The following EML4 variants were observed in gnomAD, a reference collection of about 807,000 sequenced individuals.
The protein encoded by EML4 is echinoderm microtubule-associated protein-like 4.
EML4 carries 72 observed loss-of-function variants against 129.0 expected under a neutral mutation model. The observed-to-expected ratio is 0.56, with a 90% CI of 0.46 to 0.68. The LOEUF (loss-of-function observed/expected upper bound fraction) is 0.68, where lower values mean the gene tolerates loss of function less well. EML4 is among the 30% of genes least tolerant of loss of function. The pLI is 0.00. For missense variants in EML4, 1,363 were observed against 1,190.6 expected (o/e 1.14, Z -2.13); for synonymous variants, 532 against 405.0 (o/e 1.31, Z -3.77).
intron 20 of EML4, among the ~76,000 whole-genome samples, 155 bp downstream of exon 20, chr2:42,325,709 G>T (rs1669775575): frequency 6.8e-6 from 1 of 147,208 alleles, no homozygotes; most frequent in Non-Finnish European, 1.5e-5. Context: ...GAGAATGCTT[G>T]CCAACCTCTT....
At chr2:42,264,771 C>T (rs1419501647) in intron 6 of EML4, 40 bp downstream of exon 6, 2 of 1,457,552 alleles carry the variant, frequency 1.4e-6, no homozygotes, top group Admixed American at 1.9e-5. Context: ...TTTTGCCCTT[C>T]TTAGTTTAAT....
chr2:42,237,657 A>T (rs1172698030), intron 1 of EML4, among the ~76,000 whole-genome samples: 2 of 152,240 alleles, frequency 1.3e-5, no homozygotes, highest in African/African-American at 2.4e-5. Context: ...TTTACTGGTA[A>T]CAAGTTGATT....
intron 17 of EML4, among the ~76,000 whole-genome samples, chr2:42,313,872 G>A (rs1400708115): frequency 6.6e-6 from 1 of 151,472 alleles, no homozygotes. Flanking sequence ...AGGTTGCAGT[G>A]AGCCGAGATA....
intron 6 of EML4, among the ~76,000 whole-genome samples, chr2:42,271,728 C>G (rs865921535): frequency 6.6e-6 from 1 of 152,080 alleles, no homozygotes; most frequent in Admixed American, 6.5e-5. Context: ...AAAATCTAAA[C>G]TAGAAAATGT....
At chr2:42,242,824 G>A (rs1449369569) in intron 1 of EML4, among the ~76,000 whole-genome samples, 1 of 151,268 alleles carries the variant, frequency 6.6e-6, no homozygotes, top group Non-Finnish European at 1.5e-5. Flanking sequence ...AAGTGCAGTG[G>A]TGTAATTAAA....
rs2103851048 is a variant in EML4, at chr2:42,329,992, G to A, written c.2731G>A (p.Glu911Lys). Residue 911 changes from glutamate (E) to lysine (K), a missense_variant, in exon 23 of 23, where the codon GAA becomes AAA. By Grantham distance (56) the Glu-to-Lys change is moderately conservative. Transcript: ENST00000318522. ...PPSQPLNETA[E>K]EESRISSSPT... Reference sequence around the variant, plus strand: ...TTCTCAGCCCTTAAATGAGACAGCTGAAGAGGAAAGTAGAATAAGCAGTTC... The same window carrying A: ...TTCTCAGCCCTTAAATGAGACAGCTAAAGAGGAAAGTAGAATAAGCAGTTC... The A allele has an allele frequency of 1.2e-6, 2 of 1,613,882 alleles. No individual in the cohort carries two copies. Among genetic ancestry groups the A allele is most frequent in the Non-Finnish European group, 1.7e-6 (2 of 1,179,976 alleles).
At chr2:42,302,983 T>C in intron 14 of EML4, 121 bp from the exon 15 acceptor site, 1 of 812,920 alleles carries the variant, frequency 1.2e-6, no homozygotes, top group East Asian at 2.5e-5. Context: ...GAGATTACCA[T>C]ATCCAAATTT....
rs1465457020 is a variant in EML4, at chr2:42,286,283, C to T, written c.1026C>T (p.His342=). Residue 342 remains histidine, a synonymous_variant, in exon 10 of 23, where the codon CAC becomes CAT. Transcript: ENST00000318522. ...VDKDGRPLQP[H]VRVWDSVTLS... ...TGTTTTTGCAGCCTCTACAACCCCACGTCAGAGTGTGGGATTCTGTTACTC... is the reference window on the plus strand; with the variant it reads ...TGTTTTTGCAGCCTCTACAACCCCATGTCAGAGTGTGGGATTCTGTTACTC... 4 of 1,612,602 alleles carry T rather than the reference C, an allele frequency of 2.5e-6. No individual in the cohort carries two copies. The highest frequency in any genetic ancestry group is 1.7e-5 in the Admixed American group (1 of 60,018).
At chr2:42,257,558 G>A (rs1213151966) in intron 3 of EML4, among the ~76,000 whole-genome samples, 4 of 152,138 alleles carry the variant, frequency 2.6e-5, no homozygotes, top group Non-Finnish European at 4.4e-5. Context: ...TCTAGAGGCC[G>A]GGCACGGTGG....
At chr2:42,244,105 T>TTG (rs556183994) in intron 1 of EML4, among the ~76,000 whole-genome samples, 38 of 103,740 alleles carry the variant, frequency 3.7e-4, no homozygotes, top group African/African-American at 1.1e-3. Flanking sequence ...TTTTTTGTTT[T>TTG]TTTTTTTTTT....
intron 1 of EML4, among the ~76,000 whole-genome samples, chr2:42,205,763 C>G: frequency 6.6e-6 from 1 of 152,112 alleles, no homozygotes; most frequent in South Asian, 2.1e-4. Context: ...GTATGAAATC[C>G]TATTTTCTTT....
At chr2:42,186,968 C>G (rs1671285302) in intron 1 of EML4, among the ~76,000 whole-genome samples, 1 of 149,926 alleles carries the variant, frequency 6.7e-6, no homozygotes, top group Non-Finnish European at 1.5e-5. Context: ...CTTCCCTCTA[C>G]ATAGACTCCA....
chr2:42,220,022 G>T (rs1165704373), intron 1 of EML4, among the ~76,000 whole-genome samples: 2 of 151,940 alleles, frequency 1.3e-5, no homozygotes, highest in Non-Finnish European at 2.9e-5. Context: ...TTGGGTAGGG[G>T]AGTATGTCTT....
At chr2:42,225,806 T>C (rs911196041) in intron 1 of EML4, among the ~76,000 whole-genome samples, 4 of 152,288 alleles carry the variant, frequency 2.6e-5, no homozygotes, top group African/African-American at 9.6e-5. Flanking sequence ...AATATTGACA[T>C]ATTTCTTACA....
intron 2 of EML4, among the ~76,000 whole-genome samples, chr2:42,252,337 C>T (rs551263558): frequency 1.1e-4 from 16 of 152,236 alleles, no homozygotes; most frequent in African/African-American, 3.6e-4. Context: ...TGACCTTCAT[C>T]CTGGCATTAT....
chr2:42,287,659 TG>T (rs962552021), intron 10 of EML4, among the ~76,000 whole-genome samples: 1 of 152,202 alleles, frequency 6.6e-6, no homozygotes, highest in African/African-American at 2.4e-5. Context: ...TGAATGAGAA[TG>T]GTTTCAGAAA....
chr2:42,310,750 C>T (rs539518258), intron 17 of EML4, among the ~76,000 whole-genome samples: 5 of 152,336 alleles, frequency 3.3e-5, no homozygotes, highest in Admixed American at 1.3e-4. Flanking sequence ...AGGCCCAAGG[C>T]CCAGGCCGGA....
chr2:42,211,068 T>C (rs966535937), intron 1 of EML4, among the ~76,000 whole-genome samples: 1 of 152,212 alleles, frequency 6.6e-6, no homozygotes, highest in Non-Finnish European at 1.5e-5. Context: ...CTGTCTCCTT[T>C]GCAACTATAA....
chr2:42,323,721 G>T (rs1669639666), intron 19 of EML4, among the ~76,000 whole-genome samples: 1 of 150,632 alleles, frequency 6.6e-6, no homozygotes, highest in African/African-American at 2.4e-5. Flanking sequence ...ATAACTTCAG[G>T]TCAGGAATTC....
Sources: gnomAD v4.1 joint callset for allele counts (sites outside exome capture counted in the v4.1 genomes callset) on GRCh38, gnomAD v4.1.1 for gene constraint, MANE v1.5 for transcripts, NCBI Gene and HGNC (gene_info 2026-07-23, HGNC 2026-07-21) for gene names.